The following ARL15 variants were observed in gnomAD, a reference collection of about 807,000 sequenced individuals.
ARL15 encodes the protein ADP-ribosylation factor-like protein 15.
In ARL15, 19 loss-of-function variants were observed where a neutral mutation model predicts 25.2. The ratio of observed to expected loss-of-function variants is 0.75; its 90% CI spans 0.53 to 1.10. The LOEUF is 1.10. ARL15 is among the 50% of genes least tolerant of loss of function. The probability of loss-of-function intolerance (pLI) is 0.00; values close to 1 mark genes in which losing one functional copy is unlikely to be tolerated. For missense variants in ARL15, 220 were observed against 246.0 expected (o/e 0.89, Z 0.71); for synonymous variants, 94 against 86.8 (o/e 1.08, Z -0.46).
At chr5:54,047,774 C>T (rs1158730257) in intron 4 of ARL15, among the ~76,000 whole-genome samples, 1 of 152,172 alleles carries the variant, frequency 6.6e-6, no homozygotes, top group Non-Finnish European at 1.5e-5. Flanking sequence ...TGACATGGAT[C>T]ATGCATTTAA....
intron 1 of ARL15, among the ~76,000 whole-genome samples, chr5:54,236,251 T>G (rs1476549354): frequency 6.6e-6 from 1 of 152,216 alleles, no homozygotes; most frequent in East Asian, 1.9e-4. Flanking sequence ...TCTGAAGTGC[T>G]GAGATACTGT....
At chr5:54,213,627 A>C (rs978337128) in intron 1 of ARL15, among the ~76,000 whole-genome samples, 1 of 152,180 alleles carries the variant, frequency 6.6e-6, no homozygotes, top group African/African-American at 2.4e-5. Context: ...GAGGGAGAGA[A>C]CGTTCTGGAG....
At chr5:53,949,687 C>G (rs938925791) in intron 4 of ARL15, among the ~76,000 whole-genome samples, 8 of 152,108 alleles carry the variant, frequency 5.3e-5, no homozygotes, top group Non-Finnish European at 7.4e-5. Context: ...TGTGGCATGC[C>G]TACAAGAGTT....
intron 4 of ARL15, among the ~76,000 whole-genome samples, chr5:54,003,028 G>C (rs1035049294): frequency 1.3e-5 from 2 of 152,196 alleles, no homozygotes; most frequent in African/African-American, 2.4e-5. Context: ...AATGGAAAAA[G>C]CCCCTGCTTT....
intron 3 of ARL15, among the ~76,000 whole-genome samples, chr5:54,131,311 C>A (rs1037039400): frequency 1.3e-5 from 2 of 152,196 alleles, no homozygotes; most frequent in African/African-American, 4.8e-5. Context: ...AACGTTTACA[C>A]TGGTCAAAAT....
At chr5:54,209,982 G>A (rs1291162687) in intron 1 of ARL15, among the ~76,000 whole-genome samples, 1 of 152,096 alleles carries the variant, frequency 6.6e-6, no homozygotes, top group Non-Finnish European at 1.5e-5. Context: ...AAGAGCTAAG[G>A]AGTTCTTTGA....
intron 4 of ARL15, among the ~76,000 whole-genome samples, chr5:54,046,410 G>A (rs1466044182): frequency 6.6e-6 from 1 of 152,178 alleles, no homozygotes; most frequent in Admixed American, 6.5e-5. Flanking sequence ...GAACCCAGGA[G>A]GCAGAGGTTG....
intron 4 of ARL15, among the ~76,000 whole-genome samples, chr5:54,044,696 A>G (rs1750453242): frequency 6.6e-6 from 1 of 152,318 alleles, no homozygotes; most frequent in African/African-American, 2.4e-5. Flanking sequence ...CATTTTCTTG[A>G]GCTAGTTTAA....
intron 1 of ARL15, among the ~76,000 whole-genome samples, chr5:54,197,825 T>C (rs916796705): frequency 2.0e-5 from 3 of 152,020 alleles, no homozygotes; most frequent in South Asian, 2.1e-4. Context: ...ATACCAAAGC[T>C]GGGCAGAGAC....
At chr5:53,981,489 CTG>C (rs1279387396) in intron 4 of ARL15, among the ~76,000 whole-genome samples, 1 of 152,214 alleles carries the variant, frequency 6.6e-6, no homozygotes, top group Non-Finnish European at 1.5e-5. Context: ...AACTGATACT[CTG>C]TGAGCAGTGG....
At chr5:54,198,882 T>G (rs954823048) in intron 1 of ARL15, among the ~76,000 whole-genome samples, 1 of 152,014 alleles carries the variant, frequency 6.6e-6, no homozygotes, top group African/African-American at 2.4e-5. Flanking sequence ...CATCACGCTA[T>G]CTGACTTCAA....
intron 2 of ARL15, 28 bp from the exon 3 acceptor site, chr5:54,154,667 AAAG>A: frequency 7.2e-7 from 1 of 1,388,368 alleles, no homozygotes. Flanking sequence ...AAACATAAAA[AAAG>A]AATTAGCAAC....
intron 4 of ARL15, among the ~76,000 whole-genome samples, chr5:54,090,967 A>G (rs1392330322): frequency 6.6e-6 from 1 of 152,162 alleles, no homozygotes; most frequent in African/African-American, 2.4e-5. Context: ...GAATGACTGA[A>G]AACACTGGTA....
At chr5:54,075,073 G>GAAAAAACAAAAAAAAAAAAAAAAAAAA (rs1751551897) in intron 4 of ARL15, among the ~76,000 whole-genome samples, 1 of 63,926 alleles carries the variant, frequency 1.6e-5, no homozygotes, top group African/African-American at 6.4e-5. Context: ...CAGAATACAG[G>GAAAAAACAAAAAAAAAAAAAAAAAAAA]AAAAAAAAAA....
intron 4 of ARL15, among the ~76,000 whole-genome samples, chr5:54,075,073 G>GATAAAAAAAAAAAAAAAAAA (rs1554038448): frequency 1.6e-5 from 1 of 63,926 alleles, no homozygotes; most frequent in Non-Finnish European, 2.8e-5. Context: ...CAGAATACAG[G>GATAAAAAAAAAAAAAAAAAA]AAAAAAAAAA....
chr5:54,275,115 C>T (rs1757893208), intron 1 of ARL15, among the ~76,000 whole-genome samples: 1 of 152,208 alleles, frequency 6.6e-6, no homozygotes, highest in Admixed American at 6.5e-5. Context: ...GGATTTGCCA[C>T]ACAACACAAA....
At chr5:54,266,032 G>T (rs913159630) in intron 1 of ARL15, among the ~76,000 whole-genome samples, 7 of 152,206 alleles carry the variant, frequency 4.6e-5, no homozygotes, top group Admixed American at 3.9e-4. Context: ...TTTTATTTCA[G>T]ATCCCTGTTC....
intron 2 of ARL15, among the ~76,000 whole-genome samples, chr5:54,166,720 A>G (rs1754579754): frequency 6.6e-6 from 1 of 151,918 alleles, no homozygotes; most frequent in South Asian, 2.1e-4. Flanking sequence ...GATTGTCTCT[A>G]TGAACAGATA....
chr5:53,983,298 A>C (rs1392965096), intron 4 of ARL15, among the ~76,000 whole-genome samples: 1 of 152,138 alleles, frequency 6.6e-6, no homozygotes, highest in East Asian at 1.9e-4. Context: ...TTTAAAAATA[A>C]ATTTTCTTTA....
Sources: gnomAD v4.1 joint callset for allele counts (sites outside exome capture counted in the v4.1 genomes callset) on GRCh38, gnomAD v4.1.1 for gene constraint, MANE v1.5 for transcripts, NCBI Gene and HGNC (gene_info 2026-07-23, HGNC 2026-07-21) for gene names.